Variants in TCERG1L observed in about 807,000 individuals in gnomAD.
TCERG1L encodes transcription elongation regulator 1 like.
TCERG1L carries 37 observed loss-of-function variants against 56.3 expected under a neutral mutation model. That is an observed-to-expected ratio of 0.66 (90% CI 0.51 to 0.87). The LOEUF is 0.87. Among genes scored for constraint, TCERG1L ranks in the 40% least tolerant of loss-of-function variants. The pLI is 0.00. For missense variants in TCERG1L, 799 were observed against 774.2 expected, an observed-to-expected ratio of 1.03 and a Z score of -0.38; for synonymous variants, 324 against 326.3, an observed-to-expected ratio of 0.99 and a Z score of 0.08.
chr10:131,173,215 C>G (rs889930431), intron 4 of TCERG1L, among the ~76,000 whole-genome samples: 2 of 152,100 alleles, frequency 1.3e-5, no homozygotes, highest in African/African-American at 4.8e-5. Context: ...ATCTTGCCTA[C>G]TGCCTCCCTG....
intron 4 of TCERG1L, among the ~76,000 whole-genome samples, chr10:131,213,086 T>C (rs1003038822): frequency 6.6e-6 from 1 of 152,226 alleles, no homozygotes; most frequent in Non-Finnish European, 1.5e-5. Context: ...CATCAGAGGC[T>C]GTATGGGCAG....
At chr10:131,101,826 G>A (rs1203661549) in intron 10 of TCERG1L, among the ~76,000 whole-genome samples, 1 of 151,942 alleles carries the variant, frequency 6.6e-6, no homozygotes, top group Non-Finnish European at 1.5e-5. Flanking sequence ...TCAGCCTCCT[G>A]AGTAACTGGG....
chr10:131,201,129 C>T (rs957768191), intron 4 of TCERG1L, among the ~76,000 whole-genome samples: 1 of 152,236 alleles, frequency 6.6e-6, no homozygotes, highest in Non-Finnish European at 1.5e-5. Flanking sequence ...GTGGAGGGGA[C>T]ACATTGGAAC....
At chr10:131,255,033 G>A (rs116401437) in intron 4 of TCERG1L, among the ~76,000 whole-genome samples, 3,119 of 152,184 alleles carry the variant, frequency 0.02, 105 homozygotes, top group African/African-American at 0.071. Flanking sequence ...GAACACTGTG[G>A]GAGAGGAGGC....
At chr10:131,248,466 T>C (rs560803511) in intron 4 of TCERG1L, among the ~76,000 whole-genome samples, 83 of 152,210 alleles carry the variant, frequency 5.5e-4, no homozygotes, top group African/African-American at 2.0e-3. Flanking sequence ...CTCTCTGCCC[T>C]CCTTGGCTCG....
chr10:131,150,207 T>G (rs1328554858), intron 6 of TCERG1L, among the ~76,000 whole-genome samples: 1 of 13,416 alleles, frequency 7.5e-5, no homozygotes, highest in Non-Finnish European at 5.3e-4. Flanking sequence ...ATGGACCTGT[T>G]GAGCACCATG....
intron 7 of TCERG1L, among the ~76,000 whole-genome samples, chr10:131,142,099 A>G (rs2133411083): frequency 6.6e-6 from 1 of 152,368 alleles, no homozygotes; most frequent in Non-Finnish European, 1.5e-5. Context: ...AATGGAGCTT[A>G]GCAAACAAGC....
intron 4 of TCERG1L, among the ~76,000 whole-genome samples, chr10:131,201,880 G>A (rs1845440472): frequency 1.3e-5 from 2 of 152,112 alleles, no homozygotes; most frequent in South Asian, 4.1e-4. Context: ...TGTGCTGAAG[G>A]CGCATCCATC....
At chr10:131,176,359 G>T (rs1175842772) in intron 4 of TCERG1L, among the ~76,000 whole-genome samples, 2 of 139,688 alleles carry the variant, frequency 1.4e-5, no homozygotes, top group Non-Finnish European at 3.1e-5. Context: ...CACATACAAA[G>T]AGGCACATGC....
At chr10:131,244,716 A>C (rs73398434) in intron 4 of TCERG1L, among the ~76,000 whole-genome samples, 18,946 of 152,100 alleles carry the variant, frequency 0.12, 1,446 homozygotes, top group Admixed American at 0.26. Context: ...CCAGAGCTCA[A>C]AGCCATTGAA....
intron 4 of TCERG1L, among the ~76,000 whole-genome samples, chr10:131,184,632 TA>T (rs1300766224): frequency 6.6e-6 from 1 of 152,200 alleles, no homozygotes; most frequent in Non-Finnish European, 1.5e-5. Context: ...GCTCTGCGTG[TA>T]CACATCGGTC....
chr10:131,160,521 T>C (rs1845965768), intron 6 of TCERG1L, among the ~76,000 whole-genome samples: 2 of 152,166 alleles, frequency 1.3e-5, no homozygotes. Flanking sequence ...TTCCCTCATC[T>C]GCAAGTACCC....
At chr10:131,278,752 G>A (rs1846421829) in intron 3 of TCERG1L, among the ~76,000 whole-genome samples, 1 of 152,260 alleles carries the variant, frequency 6.6e-6, no homozygotes, top group South Asian at 2.1e-4. Context: ...GTCCTCGCCT[G>A]CCCAGGAGTC....
At chr10:131,124,269 T>A (rs111339337) in intron 8 of TCERG1L, among the ~76,000 whole-genome samples, 135 of 152,234 alleles carry the variant, frequency 8.9e-4, no homozygotes, top group African/African-American at 3.0e-3. Context: ...CCCACTAGCA[T>A]CCTATGCAGC....
Position 131,236,921 on chromosome 10 carries a change from G to A in TCERG1L, c.856+23338C>T, listed in dbSNP as rs571754186. On this transcript the variant is annotated intron_variant, in intron 4 of 11. Transcript: ENST00000368642. Reference sequence around the variant, plus strand: ...AGCTCGCATCATCCTTTGCCCCAATGTCTTATTCTCGGTAGCCAGAGGGAC... The same window carrying A: ...AGCTCGCATCATCCTTTGCCCCAATATCTTATTCTCGGTAGCCAGAGGGAC... Among the ~76,000 whole-genome samples the A allele has an allele frequency of 1.1e-4, 16 of 152,142 alleles. No individual in the cohort carries two copies. In the South Asian group the frequency reaches 3.1e-3, roughly 30 times the overall value.
intron 4 of TCERG1L, among the ~76,000 whole-genome samples, chr10:131,197,428 T>C (rs2097387511): frequency 1.3e-5 from 2 of 152,098 alleles, no homozygotes; most frequent in African/African-American, 4.8e-5. Flanking sequence ...CTGGTGATCC[T>C]CCTGCCTCGG....
At chr10:131,214,067 A>C (rs1048284903) in intron 4 of TCERG1L, among the ~76,000 whole-genome samples, 2 of 152,142 alleles carry the variant, frequency 1.3e-5, no homozygotes, top group African/African-American at 4.8e-5. Flanking sequence ...CACACGCACA[A>C]CAGTTACAAT....
chr10:131,196,921 C>T (rs1343670691), intron 4 of TCERG1L, among the ~76,000 whole-genome samples: 3 of 152,158 alleles, frequency 2.0e-5, no homozygotes, highest in Non-Finnish European at 2.9e-5. Flanking sequence ...TTAGGGAGGG[C>T]CCCTGACTTG....
chr10:131,178,270 G>A (rs1845130200), intron 4 of TCERG1L, among the ~76,000 whole-genome samples: 1 of 152,182 alleles, frequency 6.6e-6, no homozygotes, highest in Non-Finnish European at 1.5e-5. Context: ...GGTGCTTGGA[G>A]GGGACTTCCC....
Sources: gnomAD v4.1 joint callset for allele counts (sites outside exome capture counted in the v4.1 genomes callset) on GRCh38, gnomAD v4.1.1 for gene constraint, MANE v1.5 for transcripts, NCBI Gene and HGNC (gene_info 2026-07-23, HGNC 2026-07-21) for gene names.